The following ABCC4 variants were observed in gnomAD, a reference collection of about 807,000 sequenced individuals.
ABCC4 encodes ATP binding cassette subfamily C member 4 (PEL blood group), also known as ATP-binding cassette sub-family C member 4.
A neutral mutation model predicts 168.5 loss-of-function variants in ABCC4; 102 were observed. The observed-to-expected ratio is 0.61, with a 90% CI of 0.52 to 0.71. The LOEUF (loss-of-function observed/expected upper bound fraction) is 0.71, where lower values mean the gene tolerates loss of function less well. Ranked by LOEUF, ABCC4 falls within the 30% of genes least tolerant of loss-of-function variation. The pLI is 0.00. For synonymous variants in ABCC4, 617 were observed against 590.7 expected (o/e 1.04, Z -0.65); for missense variants, 1,402 against 1,605.8 (o/e 0.87, Z 2.17).
At position 95,206,642 on chromosome 13, in the gene ABCC4, C is replaced by T. The variant is rs199637358; in HGVS notation, c.1051G>A (p.Val351Met). ...LLGSVITASR[V>M]FVAVTLYGAV... Reference sequence around the variant, plus strand: ...CCATACAGCGTCACTGCCACGAACACGCGGCTGGCTGTGATCACACTGCCG... The same window carrying T: ...CCATACAGCGTCACTGCCACGAACATGCGGCTGGCTGTGATCACACTGCCG... Residue 351 changes from valine (V) to methionine (M), a missense_variant, in exon 8 of 31, where the codon GTG (valine) becomes ATG (methionine). Val to Met is a conservative substitution (Grantham distance 21). This residue lies in a region of ABCC4 where 78 missense variants were observed against 133.0 expected (regional missense o/e 0.59). Transcript: ENST00000645237. 22 of 1,614,152 alleles carry T rather than the reference C, an allele frequency of 1.4e-5. No individual in the cohort carries two copies. Among genetic ancestry groups the T allele is most frequent in the South Asian group, 1.2e-4 (11 of 91,078 alleles).
In ABCC4 at chr13:95,301,378, C is replaced by A; in HGVS notation, c.-64G>T. On this transcript the variant is annotated 5_prime_UTR_variant, in exon 1 of 31. Transcript: ENST00000645237. Reference sequence around the variant, plus strand: ...ATCAGGCGGCGGTGGCCGCGGGCTCCGCTCCTGGACCTCAAGCAGGGATGC... The same window carrying A: ...ATCAGGCGGCGGTGGCCGCGGGCTCAGCTCCTGGACCTCAAGCAGGGATGC... The A allele has an allele frequency of 7.0e-7, 1 of 1,422,738 alleles. No individual in the cohort carries two copies. Among genetic ancestry groups the A allele is most frequent in the Non-Finnish European group, 9.5e-7 (1 of 1,053,946 alleles). The allele number at this position is 1,422,738 out of a possible 1,614,324, so 88.1% of individuals were successfully genotyped here.
chr13:95,216,608 CAAAAAA>C lies in ABCC4; in HGVS notation c.532-5833_532-5828del, dbSNP rs199711816. ...GCAAAGAATGTGTGCAGGAAATTCA[CAAAAAA>C]AAAAAAAAAAAAAAAAAACCAGCAC... On this transcript the variant is annotated intron_variant, in intron 4 of 30. Transcript: ENST00000645237. Among the ~76,000 whole-genome samples, 176 of 125,538 alleles carry C rather than the reference CAAAAAA, an allele frequency of 1.4e-3. 8 individuals are homozygous for C. Among genetic ancestry groups the C allele is most frequent in the Non-Finnish European group, 2.1e-3 (128 of 62,052 alleles). The allele number at this position is 125,538 out of a possible 152,430, so 82.4% of individuals were successfully genotyped here. A position where few individuals can be genotyped will look rare whatever the true frequency, so the allele number is the denominator to read the frequency against.
intron 21 of ABCC4, 37 bp downstream of exon 21, chr13:95,083,103 C>G: frequency 1.3e-6 from 2 of 1,588,380 alleles, no homozygotes; most frequent in Non-Finnish European, 1.7e-6. Context: ...TGGAAACTAG[C>G]TAGCATGTCT....
chr13:95,185,861 T>C (rs1321570128), intron 11 of ABCC4, among the ~76,000 whole-genome samples: 1 of 152,150 alleles, frequency 6.6e-6, no homozygotes, highest in East Asian at 1.9e-4. Context: ...CTTGGTGAAA[T>C]GATACACAAT....
rs576107237 is a variant in ABCC4 at position 95,024,342 on chromosome 13, G to A, written c.3871-2660C>T. On this transcript the variant is annotated intron_variant, in intron 30 of 30. Coordinates refer to ENST00000645237, the MANE Select transcript of ABCC4 (RefSeq NM_005845.5). ...CAATGCCATAAGCGTTCACGTTTGC[G>A]GCAAGAAGAGTATCAGGTCAGTGAG... 1.2e-4 allele frequency among the ~76,000 whole-genome samples: 18 copies of A among 152,232 alleles called. No homozygotes were observed. The East Asian group carries it at 2.7e-3, about 23-fold the overall frequency.
intron 13 of ABCC4, among the ~76,000 whole-genome samples, chr13:95,174,614 G>A (rs928911125): frequency 2.6e-5 from 4 of 152,196 alleles, no homozygotes; most frequent in African/African-American, 7.2e-5. Context: ...ATGAAAATCT[G>A]AGGGAGCTTG....
At chr13:95,199,807 A>T (rs1406901631) in intron 8 of ABCC4, among the ~76,000 whole-genome samples, 1 of 152,150 alleles carries the variant, frequency 6.6e-6, no homozygotes, top group Non-Finnish European at 1.5e-5. Context: ...TTTCTTGAAC[A>T]TTAAGAGCTT....
At chr13:95,204,925 C>G (rs541169169) in intron 8 of ABCC4, among the ~76,000 whole-genome samples, 1 of 152,328 alleles carries the variant, frequency 6.6e-6, no homozygotes, top group East Asian at 1.9e-4. Context: ...CGGTGAGGGG[C>G]AGCAACAGCA....
intron 19 of ABCC4, among the ~76,000 whole-genome samples, chr13:95,152,757 A>G (rs1217246745): frequency 6.6e-6 from 1 of 152,192 alleles, no homozygotes; most frequent in African/African-American, 2.4e-5. Flanking sequence ...AAATAATGGA[A>G]TAAGAAAACT....
At chr13:95,112,052 G>A (rs1438916913) in intron 20 of ABCC4, among the ~76,000 whole-genome samples, 1 of 152,094 alleles carries the variant, frequency 6.6e-6, no homozygotes, top group Non-Finnish European at 1.5e-5. Flanking sequence ...GAATGCTCTG[G>A]ATTAAAAAGG....
intron 4 of ABCC4, 53 bp downstream of exon 4, chr13:95,234,557 A>G: frequency 6.8e-7 from 1 of 1,480,342 alleles, no homozygotes; most frequent in East Asian, 2.3e-5. Context: ...ACTTCCTCAG[A>G]ATGCTTCTGA....
At chr13:95,123,418 A>G (rs1287471627) in intron 19 of ABCC4, among the ~76,000 whole-genome samples, 2 of 152,162 alleles carry the variant, frequency 1.3e-5, no homozygotes, top group African/African-American at 4.8e-5. Context: ...GCTGAAGCAC[A>G]CTAGCACGAT....
At position 95,021,682 on chromosome 13, in the gene ABCC4, C is replaced by T; in HGVS notation, c.3871G>A (p.Val1291Ile). 1 of 1,576,006 alleles carries T rather than the reference C, an allele frequency of 6.3e-7. No homozygotes were observed. Among genetic ancestry groups the T allele is most frequent in the Admixed American group, 1.8e-5 (1 of 55,604 alleles). Residue 1291 changes from valine (V) to isoleucine (I), a missense_variant and splice_region_variant, in exon 31 of 31, where the codon GTA becomes ATA. By Grantham distance (29) the Val-to-Ile change is conservative. Coordinates refer to ENST00000645237, the MANE Select transcript of ABCC4 (RefSeq NM_005845.5). ...TGTGGATAATTTCTTTTGAAGTATA[C>T]CTAGAAAAAAAAAAGGTAAGCATAA... ...AAALTETAKQ[V>I]YFKRNYPHIG...
chr13:95,240,027 C>T (rs1442543427), intron 3 of ABCC4, among the ~76,000 whole-genome samples: 1 of 152,156 alleles, frequency 6.6e-6, no homozygotes, highest in Non-Finnish European at 1.5e-5. Flanking sequence ...CACACCCTCA[C>T]CTACAAAGTA....
intron 20 of ABCC4, among the ~76,000 whole-genome samples, chr13:95,115,081 A>T (rs1406381384): frequency 6.6e-6 from 1 of 152,220 alleles, no homozygotes. Flanking sequence ...CACTTGGGAA[A>T]AAAAAAGTGC....
chr13:95,174,177 A>G (rs2037580820), intron 13 of ABCC4, among the ~76,000 whole-genome samples: 1 of 152,228 alleles, frequency 6.6e-6, no homozygotes, highest in Non-Finnish European at 1.5e-5. Context: ...GCATCCTTTA[A>G]TCTAAGTGAC....
chr13:95,290,919 C>T (rs2041385993), intron 1 of ABCC4, among the ~76,000 whole-genome samples: 1 of 138,976 alleles, frequency 7.2e-6, no homozygotes, highest in Non-Finnish European at 1.5e-5. Flanking sequence ...ACCGCTTGAA[C>T]CCCGGGAGGC....
intron 25 of ABCC4, among the ~76,000 whole-genome samples, chr13:95,066,688 T>C (rs892067823): frequency 1.3e-5 from 2 of 152,238 alleles, no homozygotes; most frequent in African/African-American, 4.8e-5. Flanking sequence ...TTGATTAAAC[T>C]GTTGAAATGA....
intron 1 of ABCC4, 115 bp downstream of exon 1, chr13:95,301,125 GC>G: frequency 1.0e-6 from 1 of 985,460 alleles, no homozygotes; most frequent in Non-Finnish European, 1.4e-6. Flanking sequence ...GCGTAGGAAA[GC>G]GCTCCCCTCG....
Sources: allele counts gnomAD v4.1 joint callset (sites outside exome capture counted in the v4.1 genomes callset), GRCh38; gene constraint gnomAD v4.1.1; regional missense constraint gnomAD v4.1.1; transcripts MANE v1.5; gene names NCBI Gene and HGNC (gene_info 2026-07-23, HGNC 2026-07-21).